The following ZNF749 variants were observed in gnomAD, a reference collection of about 807,000 sequenced individuals.
The protein encoded by ZNF749 is zinc finger protein 749.
A neutral mutation model predicts 7.3 loss-of-function variants in ZNF749; 8 were observed. The observed-to-expected ratio is 1.10, with a 90% CI of 0.64 to 1.98. The LOEUF is 1.98. ZNF749 is among the 30% of genes most tolerant of loss of function. The pLI, the probability that ZNF749 is intolerant of heterozygous loss-of-function variation, is 0.00. For missense variants in ZNF749, 898 were observed against 932.4 expected (o/e 0.96, Z 0.48); for synonymous variants, 310 against 322.4 (o/e 0.96, Z 0.41).
At chr19:57,433,212 C>T (rs1028194738), upstream of ZNF749, among the ~76,000 whole-genome samples, 10 of 152,118 alleles carry the variant, frequency 6.6e-5, no homozygotes, top group Admixed American at 5.2e-4. Context: ...CACTGACTTT[C>T]TCCAGTTGGT....
rs771416931 is a variant in ZNF749 at position 57,435,589 on chromosome 19, C to G, written c.11C>G (p.Thr4Ser). The change falls in exon 1 of 3, where the codon ACC (threonine) becomes AGC (serine). Residue 4 changes from threonine to serine, a missense_variant. Thr to Ser is a moderately conservative substitution (Grantham distance 58). Coordinates refer to ENST00000334181, the MANE Select transcript of ZNF749 (RefSeq NM_001023561.4). ...GAGGAGGCCGCGCCGATGAACCTGACCGAGGTGCGTGCAGCGTCCCAGGCC... is the reference window on the plus strand; with the variant it reads ...GAGGAGGCCGCGCCGATGAACCTGAGCGAGGTGCGTGCAGCGTCCCAGGCC... MNL[T>S]EDCMVFEDVA... The G allele has an allele frequency of 3.7e-6, 6 of 1,606,414 alleles. No individual in the cohort carries two copies. The highest frequency in any genetic ancestry group is 5.1e-6 in the Non-Finnish European group (6 of 1,177,560).
rs958723688 is a variant in ZNF749, at chr19:57,445,001, G to A, written c.1853G>A (p.Gly618Glu). The A allele has an allele frequency of 5.0e-6, 8 of 1,614,044 alleles. No homozygotes were observed. The African/African-American group carries it at 1.1e-4, about 22-fold the overall frequency. Residue 618 changes from glycine to glutamate, a missense_variant, in exon 3 of 3, where the codon GGG becomes GAG. By Grantham distance (98) the Gly-to-Glu change is moderately conservative. Coordinates refer to ENST00000334181, the MANE Select transcript of ZNF749 (RefSeq NM_001023561.4). ...AAGCCTTATAAATGCAGCAAATGTG[G>A]GAAATTCTTTAGATATCGCTGTACA... ...GEKPYKCSKC[G>E]KFFRYRCTLS...
At position 57,435,432 on chromosome 19, in the gene ZNF749, A is replaced by C; in HGVS notation, c.-147A>C. The C allele has an allele frequency of 8.0e-7, 1 of 1,256,578 alleles. No homozygotes were observed. The highest frequency in any genetic ancestry group is 1.1e-6 in the Non-Finnish European group (1 of 894,864). 77.8% of individuals were successfully genotyped at this position (1,256,578 alleles called of 1,614,324 possible). A position where few individuals can be genotyped will look rare whatever the true frequency, so the allele number is the denominator to read the frequency against. On this transcript the variant is annotated 5_prime_UTR_variant, in exon 1 of 3. Transcript: ENST00000334181. ...GTCGGGACTGAGGTGAAAGAGCGGA[A>C]AAACGCGAGAAGCGGTGTTCCTTCT... is the stretch of plus-strand genomic sequence containing the variant.
In ZNF749 at chr19:57,443,104, T is replaced by C. The variant is rs540215159; in HGVS notation, c.143-187T>C. Among the ~76,000 whole-genome samples, 31 of 152,186 alleles carry C rather than the reference T, an allele frequency of 2.0e-4. 1 individual carries two copies. Among genetic ancestry groups the C allele is most frequent in the East Asian group, 3.9e-4 (2 of 5,188 alleles). On this transcript the variant is annotated intron_variant, in intron 2 of 2. Coordinates refer to ENST00000334181, the MANE Select transcript of ZNF749 (RefSeq NM_001023561.4). ...CTCCCTTGTGTCCTTACCACCAGGA[T>C]TCCCCCACTACACACACTTCACAGG...
At position 57,445,151 on chromosome 19, in the gene ZNF749, A is replaced by G. The variant is rs765206630; in HGVS notation, c.2003A>G (p.Tyr668Cys). Residue 668 changes from tyrosine to cysteine, a missense_variant, in exon 3 of 3, where the codon TAT becomes TGT. Transcript: ENST00000334181. ...HQRVHTGEKP[Y>C]ECSNCGKFLR... ...AGAGTTCATACTGGAGAAAAGCCTTATGAATGCAGCAACTGTGGGAAGTTT... is the reference window on the plus strand; with the variant it reads ...AGAGTTCATACTGGAGAAAAGCCTTGTGAATGCAGCAACTGTGGGAAGTTT... 1.2e-5 allele frequency: 20 copies of G among 1,614,058 alleles called. No homozygotes were observed. The highest frequency in any genetic ancestry group is 3.3e-4 in the Middle Eastern group (2 of 6,084).
Position 57,439,861 on chromosome 19 carries a change from T to C in ZNF749, c.16-2024T>C, listed in dbSNP as rs942018840. Among the ~76,000 whole-genome samples, 1 of 152,116 alleles carries C rather than the reference T, an allele frequency of 6.6e-6. No individual in the cohort carries two copies. The highest frequency in any genetic ancestry group is 1.9e-4 in the East Asian group (1 of 5,190). ...GTTGTACACACAGGAATGGAGTTCATTGGAGGTGTTCAGGAAGGAGACATC... is the reference window on the plus strand; with the variant it reads ...GTTGTACACACAGGAATGGAGTTCACTGGAGGTGTTCAGGAAGGAGACATC... On this transcript the variant is annotated intron_variant, in intron 1 of 2. Coordinates refer to ENST00000334181, the MANE Select transcript of ZNF749 (RefSeq NM_001023561.4). This position sits in a 1 kb window ranked among gnomAD's most constrained non-coding sequence, Gnocchi z 4.3.
In ZNF749 at chr19:57,436,763, CCA is replaced by C. The variant is rs1394007464; in HGVS notation, c.15+1171_15+1172del. Reference sequence around the variant, plus strand: ...CAGGCTGACCTGTTTGCTGAACGGACCAGTAACTGATTGACTGCTCAGCCCCA... The same window carrying C: ...CAGGCTGACCTGTTTGCTGAACGGACGTAACTGATTGACTGCTCAGCCCCA... On this transcript the variant is annotated intron_variant, in intron 1 of 2. Transcript: ENST00000334181. This position sits in a 1 kb window ranked among gnomAD's most constrained non-coding sequence, Gnocchi z 4.0. Among the ~76,000 whole-genome samples the C allele has an allele frequency of 6.6e-6, 1 of 152,156 alleles. No individual in the cohort carries two copies. Among genetic ancestry groups the C allele is most frequent in the African/African-American group, 2.4e-5 (1 of 41,430 alleles).
chr19:57,442,883 C>T lies in ZNF749; in HGVS notation c.143-408C>T, dbSNP rs987708168. The stretch of plus-strand genomic sequence containing the variant: ...CTCTCCACCATTCTCTTCCACCTCT[C>T]CCTTTGCAGTGCTGTCTAATGTATG... On this transcript the variant is annotated intron_variant, in intron 2 of 2. Transcript: ENST00000334181. The surrounding 1 kb of genome is among the most constrained non-coding windows in gnomAD (Gnocchi z 6.6). Among the ~76,000 whole-genome samples the T allele has an allele frequency of 3.9e-5, 6 of 152,184 alleles. No homozygotes were observed. Among genetic ancestry groups the T allele is most frequent in the Non-Finnish European group, 7.4e-5 (5 of 68,026 alleles).
intron 1 of ZNF749, among the ~76,000 whole-genome samples, chr19:57,440,863 C>T (rs533394650): frequency 6.6e-6 from 1 of 151,962 alleles, no homozygotes; most frequent in Non-Finnish European, 1.5e-5. Context: ...CGCAGTGGCT[C>T]ATGTCTGTAA....
At chr19:57,428,904 T>G in the ZNF749 span, among the ~76,000 whole-genome samples, 1 of 152,206 alleles carries the variant, frequency 6.6e-6, no homozygotes, top group South Asian at 2.1e-4. Flanking sequence ...CTTACTTCAC[T>G]TACAATAAGT....
chr19:57,443,481 G>A lies in ZNF749; in HGVS notation c.333G>A (p.Leu111=), dbSNP rs1343465466. Residue 111 remains leucine (L), a synonymous_variant, in exon 3 of 3, where the codon CTG becomes CTA. Transcript: ENST00000334181. ...ATGGAACACACCCTGAGCAAGGGCT[G>A]TACACATGTGCAGCAGAGCATGACC... is the stretch of plus-strand genomic sequence containing the variant. ...EHDGTHPEQG[L]YTCAAEHDLH... 6.2e-7 allele frequency: 1 copy of A among 1,614,070 alleles called. No homozygotes were observed. Among genetic ancestry groups the A allele is most frequent in the Non-Finnish European group, 8.5e-7 (1 of 1,180,008 alleles).
Position 57,445,258 on chromosome 19 carries a change from T to C in ZNF749, c.2110T>C (p.Leu704=), listed in dbSNP as rs772183216. The C allele has an allele frequency of 1.7e-5, 28 of 1,613,856 alleles. No homozygotes were observed. The highest frequency in any genetic ancestry group is 2.2e-5 in the Non-Finnish European group (26 of 1,179,900). ...KPHECSKCRE[L]FRTKSSLIIH... The stretch of plus-strand genomic sequence containing the variant: ...TCATGAGTGCAGTAAATGTAGGGAA[T>C]TGTTTAGGACTAAATCGAGCCTTAT... Residue 704 remains leucine (L), a synonymous_variant, in exon 3 of 3, where the codon TTG becomes CTG. Coordinates refer to ENST00000334181, the MANE Select transcript of ZNF749 (RefSeq NM_001023561.4).
At chr19:57,437,575 T>C (rs2088947158) in intron 1 of ZNF749, among the ~76,000 whole-genome samples, 2 of 151,774 alleles carry the variant, frequency 1.3e-5, no homozygotes, top group South Asian at 4.2e-4. Context: ...AATACAAAAA[T>C]TACCTGGGCG....
Position 57,443,544 on chromosome 19 carries a change from A to C in ZNF749, c.396A>C (p.Arg132Ser), listed in dbSNP as rs2089017277. ...AGCAGATTAGAGAGAAGCTCACCAG[A>C]AGTGATGAGTGGAGGCCTTCATTTG... ...QKEQIREKLT[R>S]SDEWRPSFVN... Residue 132 changes from arginine (R) to serine (S), a missense_variant, in exon 3 of 3, where the codon AGA becomes AGC. By Grantham distance (110) the Arg-to-Ser change is moderately radical. Coordinates refer to ENST00000334181, the MANE Select transcript of ZNF749 (RefSeq NM_001023561.4). 1 of 1,614,236 alleles carries C rather than the reference A, an allele frequency of 6.2e-7. No individual in the cohort carries two copies. The highest frequency in any genetic ancestry group is 1.3e-5 in the African/African-American group (1 of 75,058).
chr19:57,432,887 T>C (rs2088906209), upstream of ZNF749, among the ~76,000 whole-genome samples: 1 of 152,200 alleles, frequency 6.6e-6, no homozygotes, highest in Non-Finnish European at 1.5e-5. Context: ...GAAGTATGCT[T>C]AATGGTAGCA....
At chr19:57,441,774 T>G in intron 1 of ZNF749, 111 bp from the exon 2 acceptor site, 1 of 1,289,238 alleles carries the variant, frequency 7.8e-7, no homozygotes, top group Non-Finnish European at 1.1e-6. Flanking sequence ...TGTAAAAACA[T>G]TGGCTGTTAG....
rs1371639220 is a variant in ZNF749, at chr19:57,444,171, C to T, written c.1023C>T (p.Leu341=). 1.9e-6 allele frequency: 3 copies of T among 1,613,944 alleles called. No individual in the cohort carries two copies. Among genetic ancestry groups the T allele is most frequent in the East Asian group, 2.2e-5 (1 of 44,822 alleles). Residue 341 remains leucine, a synonymous_variant, in exon 3 of 3, where the codon CTC becomes CTT. Transcript: ENST00000334181. Reference sequence around the variant, plus strand: ...AGTTTTTTATGTATAACTCCAAACTCATCAGACATCAGAAAGTTCACACTG... The same window carrying T: ...AGTTTTTTATGTATAACTCCAAACTTATCAGACATCAGAAAGTTCACACTG... ...CGKFFMYNSK[L]IRHQKVHTGE... is the part of the protein sequence containing the mutation.
chr19:57,431,416 T>A (rs2088898353), upstream of ZNF749, among the ~76,000 whole-genome samples: 1 of 152,154 alleles, frequency 6.6e-6, no homozygotes. Flanking sequence ...ACACTAGAAT[T>A]GTGATTGTAA....
upstream of ZNF749, among the ~76,000 whole-genome samples, chr19:57,433,373 TACC>T (rs2088908827): frequency 2.6e-5 from 4 of 152,198 alleles, no homozygotes; most frequent in Admixed American, 2.6e-4. Context: ...TTACTGTAGA[TACC>T]ACATTAGATT....
Sources: gnomAD v4.1 joint callset for allele counts (sites outside exome capture counted in the v4.1 genomes callset) on GRCh38, gnomAD v4.1.1 for gene constraint, Gnocchi (gnomAD v3.1) non-coding constraint, MANE v1.5 for transcripts, NCBI Gene and HGNC (gene_info 2026-07-23, HGNC 2026-07-21) for gene names.